OGFOD1: variants seen among roughly 807,000 people sequenced by gnomAD.
OGFOD1 encodes prolyl 3-hydroxylase OGFOD1.
Under a neutral mutation model 67.7 loss-of-function variants are expected in OGFOD1, and 54 were observed. The observed-to-expected ratio is 0.80, with a 90% CI of 0.64 to 1.00. The LOEUF (loss-of-function observed/expected upper bound fraction) is 1.00, where lower values mean the gene tolerates loss of function less well. OGFOD1 is among the 50% of genes least tolerant of loss of function. OGFOD1 has a pLI of 0.00. For synonymous variants in OGFOD1, 221 were observed against 227.0 expected (o/e 0.97, Z 0.24); for missense variants, 606 against 646.7 (o/e 0.94, Z 0.68).
In OGFOD1 at chr16:56,478,666, A is replaced by G. The variant is rs1379327079; in HGVS notation, c.*2461A>G. On this transcript the variant is annotated 3_prime_UTR_variant, in exon 13 of 13. Transcript: ENST00000566157. ...GGCACCATCCAAGGCCAATTTTCCAATTCTGGAAAGCCAAATCTGAATCTT... is the reference window on the plus strand; with the variant it reads ...GGCACCATCCAAGGCCAATTTTCCAGTTCTGGAAAGCCAAATCTGAATCTT... 6 of 152,340 alleles carry G rather than the reference A, an allele frequency of 3.9e-5. No individual in the cohort carries two copies. Among genetic ancestry groups the G allele is most frequent in the African/African-American group, 1.2e-4 (5 of 41,588 alleles). 9.4% of individuals were successfully genotyped at this position (152,340 alleles called of 1,614,324 possible). A position where few individuals can be genotyped will look rare whatever the true frequency, so the allele number is the denominator to read the frequency against.
At chr16:56,473,168 G>A (rs1230445262) in intron 10 of OGFOD1, among the ~76,000 whole-genome samples, 1 of 152,128 alleles carries the variant, frequency 6.6e-6, no homozygotes, top group African/African-American at 2.4e-5. Flanking sequence ...TTGACCTCAT[G>A]ATCCGCCCAC....
At chr16:56,458,959 T>TAAC in intron 3 of OGFOD1, 1 of 201,344 alleles carries the variant, frequency 5.0e-6, no homozygotes, top group Non-Finnish European at 1.0e-5. Flanking sequence ...TACACTGCTG[T>TAAC]AGTCTTTCTT....
intron 4 of OGFOD1, among the ~76,000 whole-genome samples, chr16:56,464,642 C>G (rs1962834364): frequency 6.6e-6 from 1 of 152,108 alleles, no homozygotes; most frequent in Non-Finnish European, 1.5e-5. Flanking sequence ...TATATTGATG[C>G]TCATACTGTC....
chr16:56,455,609 T>C (rs1215790140), intron 2 of OGFOD1, among the ~76,000 whole-genome samples: 1 of 152,194 alleles, frequency 6.6e-6, no homozygotes, highest in Admixed American at 6.5e-5. Flanking sequence ...TTTTCTTTGC[T>C]TGTGGTATGA....
chr16:56,461,784 G>A (rs1366640890), intron 3 of OGFOD1, among the ~76,000 whole-genome samples: 1 of 152,164 alleles, frequency 6.6e-6, no homozygotes, highest in Non-Finnish European at 1.5e-5. Flanking sequence ...CATTGGAAGT[G>A]AAGTAAAGTG....
rs763170910 is a variant in OGFOD1 at position 56,476,200 on chromosome 16, G to T, written c.1624G>T (p.Glu542Ter). The change falls in exon 13 of 13, where the codon GAA (glutamate) becomes TAA (stop). Residue 542 changes from glutamate to a stop codon, truncating the protein, a stop_gained. Coordinates refer to ENST00000566157, the MANE Select transcript of OGFOD1 (RefSeq NM_018233.4). LOFTEE classifies it high-confidence loss of function. ...GFWDFSFIYYE is the reference protein window; with the variant it reads ...GFWDFSFIYY ...CTGGGACTTTTCATTCATCTATTAT[G>T]AATGACAGCACTGGGCAAAGCTGAA... 5 of 1,610,926 alleles carry T rather than the reference G, an allele frequency of 3.1e-6. No homozygotes were observed. The highest frequency in any genetic ancestry group is 4.2e-6 in the Non-Finnish European group (5 of 1,179,610).
intron 10 of OGFOD1, among the ~76,000 whole-genome samples, chr16:56,471,127 T>C (rs1963157943): frequency 6.6e-6 from 1 of 151,406 alleles, no homozygotes; most frequent in African/African-American, 2.4e-5. Context: ...GGAGGCAGTC[T>C]GATCACCTGA....
chr16:56,466,090 A>G (rs1204273588), intron 4 of OGFOD1, 62 bp from the exon 5 acceptor site: 3 of 1,139,686 alleles, frequency 2.6e-6, no homozygotes, highest in African/African-American at 3.0e-5. Context: ...TATTAAATGC[A>G]GAGTCAGGTG....
intron 12 of OGFOD1, 92 bp from the exon 13 acceptor site, chr16:56,475,952 T>C: frequency 8.4e-7 from 1 of 1,192,994 alleles, no homozygotes; most frequent in Non-Finnish European, 1.2e-6. Context: ...GATTAAGTGC[T>C]TGATATGGAA....
chr16:56,469,423 C>T (rs1215256737), intron 8 of OGFOD1, among the ~76,000 whole-genome samples: 3 of 152,088 alleles, frequency 2.0e-5, no homozygotes, highest in Non-Finnish European at 4.4e-5. Flanking sequence ...GGAGGTTGAG[C>T]AGATTGACGT....
intron 3 of OGFOD1, 49 bp downstream of exon 3, chr16:56,458,643 TAGTA>T: frequency 7.0e-7 from 1 of 1,425,568 alleles, no homozygotes; most frequent in East Asian, 2.3e-5. Context: ...CCAGGCAGAG[TAGTA>T]AGTGCTTTAA....
Position 56,468,159 on chromosome 16 carries a change from T to C in OGFOD1, c.900+141T>C, listed in dbSNP as rs114529430. The C allele has an allele frequency of 1.2e-3, 750 of 608,416 alleles. 2 individuals carry two copies. Among genetic ancestry groups the C allele is most frequent in the African/African-American group, 0.011 (586 of 54,012 alleles). 37.7% of individuals were successfully genotyped at this position (608,416 alleles called of 1,614,324 possible). A position where few individuals can be genotyped will look rare whatever the true frequency, so the allele number is the denominator to read the frequency against. ...GTCATTCCCTTCTTCAAGTGAAACA[T>C]AGAAATGATGATAACACTAACATTA... On this transcript the variant is annotated intron_variant, in intron 8 of 12. Transcript: ENST00000566157.
At chr16:56,471,750 C>T (rs992587978) in intron 10 of OGFOD1, among the ~76,000 whole-genome samples, 1 of 152,202 alleles carries the variant, frequency 6.6e-6, no homozygotes, top group African/African-American at 2.4e-5. Context: ...ACTGAACAGT[C>T]ACTTTGGCCA....
In OGFOD1 at chr16:56,470,489, T is replaced by G. The variant is rs769521855; in HGVS notation, c.983T>G (p.Phe328Cys). 3.8e-6 allele frequency: 6 copies of G among 1,598,494 alleles called. No homozygotes were observed. Among genetic ancestry groups the G allele is most frequent in the Middle Eastern group, 1.9e-4 (1 of 5,368 alleles). ...WSSRGPPNKR[F>C]YEKAEESKLP... ...AACTTGACATTGCTGTTTTTCAGGT[T>G]TTATGAGAAAGCTGAGGAGAGTAAG... Residue 328 changes from phenylalanine to cysteine, a missense_variant and splice_region_variant, in exon 10 of 13, where the codon TTT becomes TGT. Phe to Cys is a radical substitution (Grantham distance 205, BLOSUM62 -2). Coordinates refer to ENST00000566157, the MANE Select transcript of OGFOD1 (RefSeq NM_018233.4).
rs182487482 is a variant in OGFOD1, at chr16:56,476,868, C to T, written c.*663C>T. The T allele has an allele frequency of 1.3e-5, 2 of 152,412 alleles. No homozygotes were observed. Among genetic ancestry groups the T allele is most frequent in the Non-Finnish European group, 2.9e-5 (2 of 68,142 alleles). The allele number at this position is 152,412 out of a possible 1,614,324, so 9.4% of individuals were successfully genotyped here. On this transcript the variant is annotated 3_prime_UTR_variant, in exon 13 of 13. Coordinates refer to ENST00000566157, the MANE Select transcript of OGFOD1 (RefSeq NM_018233.4). ...GATTGCAGCCGGGCATGGTGGCTCA[C>T]GCCTGTAATCCCAGCACTTGGGAGG...
At position 56,467,284 on chromosome 16, in the gene OGFOD1, C is replaced by T; in HGVS notation, c.777C>T (p.Ile259=). ...FEPPIPRSPH[I]PQDHEILYDW... ...CCCCCATACCTCGGAGCCCTCACAT[C>T]CCACAAGATGTAAGAAGAATTGCTG... The change falls in exon 7 of 13, where the codon ATC becomes ATT. Residue 259 remains isoleucine, a synonymous_variant. Transcript: ENST00000566157. 6.2e-7 allele frequency: 1 copy of T among 1,614,114 alleles called. No homozygotes were observed. Among genetic ancestry groups the T allele is most frequent in the Non-Finnish European group, 8.5e-7 (1 of 1,180,010 alleles).
At chr16:56,453,571 G>A (rs943671999) in intron 2 of OGFOD1, 163 bp downstream of exon 2, 13 of 619,686 alleles carry the variant, frequency 2.1e-5, no homozygotes, top group Non-Finnish European at 3.3e-5. Flanking sequence ...CTTACTGAGT[G>A]TTAACTATGT....
At chr16:56,461,406 C>T (rs1171930708) in intron 3 of OGFOD1, among the ~76,000 whole-genome samples, 1 of 152,230 alleles carries the variant, frequency 6.6e-6, no homozygotes, top group African/African-American at 2.4e-5. Flanking sequence ...CCCCATACCT[C>T]ACCCTATACA....
chr16:56,453,612 G>A (rs1962415316), intron 2 of OGFOD1: 3 of 468,594 alleles, frequency 6.4e-6, no homozygotes, highest in Admixed American at 7.7e-5. Flanking sequence ...GGAAGCCTTA[G>A]ACAGTGCCTG....
Sources: gnomAD v4.1 joint callset for allele counts (sites outside exome capture counted in the v4.1 genomes callset) on GRCh38, gnomAD v4.1.1 for gene constraint, MANE v1.5 for transcripts, NCBI Gene and HGNC (gene_info 2026-07-23, HGNC 2026-07-21) for gene names.